Variants in EML5 observed in about 807,000 individuals in gnomAD.
EML5 encodes echinoderm microtubule-associated protein-like 5.
Under a neutral mutation model 250.0 loss-of-function variants are expected in EML5, and 120 were observed. That is an observed-to-expected ratio of 0.48 (90% CI 0.41 to 0.56). The LOEUF (loss-of-function observed/expected upper bound fraction) is 0.56. Among genes scored for constraint, EML5 ranks in the 20% least tolerant of loss-of-function variants. The probability of loss-of-function intolerance (pLI) is 0.00; values close to 1 mark genes in which losing one functional copy is unlikely to be tolerated. For synonymous variants in EML5, 771 were observed against 806.5 expected, an observed-to-expected ratio of 0.96 and a Z score of 0.75; for missense variants, 2,006 against 2,437.6, an observed-to-expected ratio of 0.82 and a Z score of 3.73.
chr14:88,722,158 T>C, intron 8 of EML5, among the ~76,000 whole-genome samples: 1 of 152,252 alleles, frequency 6.6e-6, no homozygotes, highest in Non-Finnish European at 1.5e-5. Context: ...GCTTTTACAC[T>C]GTTGGTGGGA....
chr14:88,628,498 A>T (rs1428154412), intron 33 of EML5, among the ~76,000 whole-genome samples: 1 of 152,058 alleles, frequency 6.6e-6, no homozygotes, highest in African/African-American at 2.4e-5. Flanking sequence ...TTTCTAAATT[A>T]AAAAAATTAT....
At chr14:88,760,799 C>T (rs534462946) in intron 1 of EML5, among the ~76,000 whole-genome samples, 23 of 152,178 alleles carry the variant, frequency 1.5e-4, no homozygotes, top group African/African-American at 4.6e-4. Context: ...ATAGTACGCC[C>T]GCCCTCCATT....
At chr14:88,661,503 C>A in intron 25 of EML5, 151 bp downstream of exon 25, 1 of 673,010 alleles carries the variant, frequency 1.5e-6, no homozygotes, top group Non-Finnish European at 2.4e-6. Context: ...TACTTAAAAG[C>A]TATAGATATG....
chr14:88,695,089 T>G (rs918591897), intron 16 of EML5, among the ~76,000 whole-genome samples: 13 of 152,238 alleles, frequency 8.5e-5, no homozygotes, highest in Admixed American at 5.2e-4. Context: ...TATCATACAG[T>G]AGAACACATT....
At chr14:88,669,366 C>A (rs1197633788) in intron 21 of EML5, among the ~76,000 whole-genome samples, 2 of 152,176 alleles carry the variant, frequency 1.3e-5, no homozygotes, top group Non-Finnish European at 2.9e-5. Flanking sequence ...GGGCAGCAGA[C>A]ATCACTGCAG....
intron 14 of EML5, among the ~76,000 whole-genome samples, chr14:88,698,540 C>G (rs564102145): frequency 1.3e-5 from 2 of 152,272 alleles, no homozygotes; most frequent in South Asian, 4.1e-4. Flanking sequence ...GCTAGGATTA[C>G]AGGCATGAGC....
intron 20 of EML5, among the ~76,000 whole-genome samples, chr14:88,684,812 A>T (rs917608960): frequency 1.4e-4 from 21 of 152,082 alleles, no homozygotes; most frequent in African/African-American, 5.1e-4. Context: ...TAACAGAAAA[A>T]AACAAATTTT....
chr14:88,689,515 C>T (rs138574115), intron 17 of EML5, among the ~76,000 whole-genome samples: 1 of 152,208 alleles, frequency 6.6e-6, no homozygotes, highest in Non-Finnish European at 1.5e-5. Context: ...CTATTGATAT[C>T]TCTTGCCCAT....
chr14:88,639,906 A>T (rs530678162), intron 31 of EML5, among the ~76,000 whole-genome samples: 1 of 152,130 alleles, frequency 6.6e-6, no homozygotes, highest in Non-Finnish European at 1.5e-5. Flanking sequence ...TGATCAAATA[A>T]GTATAATGTG....
chr14:88,709,448 C>A (rs998577763), intron 10 of EML5, among the ~76,000 whole-genome samples: 1 of 151,538 alleles, frequency 6.6e-6, no homozygotes, highest in African/African-American at 2.4e-5. Context: ...AGATATGAAC[C>A]CATGTTTGAC....
intron 28 of EML5, 72 bp from the exon 29 acceptor site, chr14:88,647,027 T>C: frequency 7.4e-7 from 1 of 1,359,682 alleles, no homozygotes; most frequent in Non-Finnish European, 1.0e-6. Context: ...GTGAAATACC[T>C]CCTGTAATAA....
intron 15 of EML5, among the ~76,000 whole-genome samples, 172 bp from the exon 16 acceptor site, chr14:88,695,626 A>C (rs12878272): frequency 0.11 from 16,777 of 152,138 alleles, 1,025 homozygotes; most frequent in African/African-American, 0.14. Flanking sequence ...GAGGGAGAAT[A>C]AAAGTTTCTC....
chr14:88,616,285 C>T (rs2087598120), intron 42 of EML5, 43 bp from the exon 43 acceptor site: 1 of 1,583,302 alleles, frequency 6.3e-7, no homozygotes, highest in African/African-American at 1.3e-5. Flanking sequence ...TTGGTGCACA[C>T]AGAAGTCAAA....
At chr14:88,662,208 T>TA (rs1236822779) in intron 24 of EML5, among the ~76,000 whole-genome samples, 1 of 151,878 alleles carries the variant, frequency 6.6e-6, no homozygotes, top group East Asian at 1.9e-4. Context: ...TTAGAACTTT[T>TA]ACTTATGGTC....
intron 29 of EML5, 192 bp from the exon 30 acceptor site, chr14:88,644,703 T>A (rs911572713): frequency 2.1e-6 from 1 of 479,410 alleles, no homozygotes; most frequent in African/African-American, 2.0e-5. Flanking sequence ...TATTACAACT[T>A]TTATTCATTT....
intron 4 of EML5, among the ~76,000 whole-genome samples, chr14:88,741,086 T>C (rs2093918453): frequency 6.6e-6 from 1 of 151,842 alleles, no homozygotes; most frequent in Admixed American, 6.6e-5. Flanking sequence ...TCGCTTGATA[T>C]CAAGAGGCAG....
At chr14:88,703,677 T>C (rs1392499780) in intron 13 of EML5, among the ~76,000 whole-genome samples, 3 of 152,282 alleles carry the variant, frequency 2.0e-5, no homozygotes, top group Non-Finnish European at 4.4e-5. Context: ...GGGTGAATGG[T>C]AGAAAAGAGT....
chr14:88,790,882 T>C (rs139059529), intron 1 of EML5, among the ~76,000 whole-genome samples: 84 of 152,326 alleles, frequency 5.5e-4, no homozygotes, highest in African/African-American at 2.0e-3. Context: ...ATTTGGGCTA[T>C]TATAATAGGT....
intron 1 of EML5, among the ~76,000 whole-genome samples, chr14:88,777,819 A>G (rs1226398950): frequency 3.3e-5 from 5 of 152,276 alleles, no homozygotes; most frequent in African/African-American, 1.2e-4. Context: ...TACAAAAACT[A>G]CAAAAATTAG....
Sources: allele counts gnomAD v4.1 joint callset (sites outside exome capture counted in the v4.1 genomes callset), GRCh38; gene constraint gnomAD v4.1.1; transcripts MANE v1.5; gene names NCBI Gene and HGNC (gene_info 2026-07-23, HGNC 2026-07-21).